PPP3CA: variants seen among roughly 807,000 people sequenced by gnomAD.
PPP3CA encodes CAM-PRP catalytic subunit.
Under a neutral mutation model 66.5 loss-of-function variants are expected in PPP3CA, and 14 were observed. The ratio of observed to expected loss-of-function variants is 0.21; its 90% CI spans 0.14 to 0.33. The LOEUF (loss-of-function observed/expected upper bound fraction) is 0.33. PPP3CA is among the 10% of genes least tolerant of loss of function. The pLI, the probability that PPP3CA is intolerant of heterozygous loss-of-function variation, is 1.00. For missense variants in PPP3CA, 317 were observed against 639.5 expected, an observed-to-expected ratio of 0.50 and a Z score of 5.44; for synonymous variants, 232 against 226.2, an observed-to-expected ratio of 1.03 and a Z score of -0.23.
chr4:101,262,441 C>T (rs1727039347), intron 1 of PPP3CA, among the ~76,000 whole-genome samples: 1 of 151,910 alleles, frequency 6.6e-6, no homozygotes, highest in South Asian at 2.1e-4. Flanking sequence ...TCTGGGTTTC[C>T]TTTTTATGTT....
chr4:101,261,988 C>T (rs1727023455), intron 1 of PPP3CA, among the ~76,000 whole-genome samples: 1 of 151,926 alleles, frequency 6.6e-6, no homozygotes, highest in African/African-American at 2.4e-5. Context: ...ATTCAGAGAG[C>T]TTATTAACCT....
chr4:101,186,391 G>C (rs1724409869), intron 2 of PPP3CA, among the ~76,000 whole-genome samples: 1 of 152,066 alleles, frequency 6.6e-6, no homozygotes, highest in African/African-American at 2.4e-5. Context: ...GTAGTTCCAT[G>C]AACTGTTAAA....
At chr4:101,294,006 T>C (rs1382258730) in intron 1 of PPP3CA, among the ~76,000 whole-genome samples, 4 of 152,104 alleles carry the variant, frequency 2.6e-5, no homozygotes, top group African/African-American at 9.7e-5. Flanking sequence ...TATTTTCACA[T>C]TTAAAAGGCA....
chr4:101,264,404 T>C (rs970538785), intron 1 of PPP3CA, among the ~76,000 whole-genome samples: 2 of 152,086 alleles, frequency 1.3e-5, no homozygotes, highest in Non-Finnish European at 2.9e-5. Context: ...AAATGACTTC[T>C]AAGGCATACG....
intron 1 of PPP3CA, among the ~76,000 whole-genome samples, chr4:101,334,951 C>CA: frequency 6.6e-6 from 1 of 152,266 alleles, no homozygotes; most frequent in East Asian, 1.9e-4. Context: ...AAAGACTTAT[C>CA]AGTAAGATCA....
intron 6 of PPP3CA, among the ~76,000 whole-genome samples, chr4:101,084,632 A>C (rs1729580786): frequency 1.3e-5 from 2 of 151,870 alleles, no homozygotes; most frequent in Admixed American, 1.3e-4. Context: ...GACAAGAGTG[A>C]AACTCCATCT....
chr4:101,095,280 A>C (rs1197802341), intron 5 of PPP3CA, among the ~76,000 whole-genome samples: 1 of 152,180 alleles, frequency 6.6e-6, no homozygotes, highest in East Asian at 1.9e-4. Context: ...AGGGTAGGAC[A>C]GTAGAGGAGG....
At chr4:101,036,703 C>A (rs1304000657) in intron 11 of PPP3CA, among the ~76,000 whole-genome samples, 1 of 152,168 alleles carries the variant, frequency 6.6e-6, no homozygotes, top group Non-Finnish European at 1.5e-5. Context: ...TGAGCCACCG[C>A]ACCCAGCCTT....
At chr4:101,063,159 T>C (rs1728545723) in intron 9 of PPP3CA, 73 bp downstream of exon 9, 9 of 1,522,704 alleles carry the variant, frequency 5.9e-6, no homozygotes, top group African/African-American at 2.8e-5. Flanking sequence ...TTCTTCTCTT[T>C]CTGAGTGTTT....
intron 11 of PPP3CA, 106 bp from the exon 12 acceptor site, chr4:101,032,470 T>TATC (rs1727016440): frequency 3.4e-6 from 3 of 879,026 alleles, no homozygotes; most frequent in Admixed American, 4.5e-5. Context: ...CATTTCCCTC[T>TATC]ATCTTGGCTC....
At chr4:101,294,507 T>C (rs1235385120) in intron 1 of PPP3CA, among the ~76,000 whole-genome samples, 3 of 150,776 alleles carry the variant, frequency 2.0e-5, no homozygotes, top group Admixed American at 6.6e-5. Flanking sequence ...GTAGATGCTA[T>C]AATTTCATGC....
intron 6 of PPP3CA, among the ~76,000 whole-genome samples, chr4:101,088,679 T>C (rs1168436072): frequency 6.7e-6 from 1 of 148,782 alleles, no homozygotes; most frequent in Non-Finnish European, 1.5e-5. Flanking sequence ...ACTGAATGAG[T>C]GAAAAAATTC....
At chr4:101,315,026 T>TC (rs1490468523) in intron 1 of PPP3CA, among the ~76,000 whole-genome samples, 6 of 152,056 alleles carry the variant, frequency 3.9e-5, no homozygotes, top group Admixed American at 3.9e-4. Context: ...ATATTTGTGC[T>TC]CCCCCCAAAA....
At chr4:101,243,947 C>T (rs981084766) in intron 1 of PPP3CA, among the ~76,000 whole-genome samples, 1 of 152,096 alleles carries the variant, frequency 6.6e-6, no homozygotes, top group Non-Finnish European at 1.5e-5. Flanking sequence ...TGAATTCAAA[C>T]GAAGCCAGAA....
rs369745312 is a variant in PPP3CA at position 101,151,652 on chromosome 4, CTT to C, written c.260-42576_260-42575del. ...CAAAATTTAGCTAAGCCAAGGTTTC[CTT>C]TTTTTTTTTTTTTTTTTTTTGAGAT... On this transcript the variant is annotated intron_variant, in intron 2 of 13. Transcript: ENST00000394854. 1.0e-3 allele frequency among the ~76,000 whole-genome samples: 85 copies of C among 84,826 alleles called. 1 individual carries two copies. In the Admixed American group the frequency reaches 0.01, roughly 10 times the overall value. 55.6% of individuals were successfully genotyped at this position (84,826 alleles called of 152,430 possible). A position where few individuals can be genotyped will look rare whatever the true frequency, so the allele number is the denominator to read the frequency against.
intron 2 of PPP3CA, among the ~76,000 whole-genome samples, chr4:101,177,841 A>C (rs1008670113): frequency 3.3e-5 from 5 of 151,810 alleles, no homozygotes; most frequent in Middle Eastern, 3.4e-3. Context: ...CAAAAAAAAA[A>C]CACAATTCCT....
chr4:101,160,568 TTAA>T (rs1182726293), intron 2 of PPP3CA, among the ~76,000 whole-genome samples: 1 of 152,096 alleles, frequency 6.6e-6, no homozygotes, highest in African/African-American at 2.4e-5. Flanking sequence ...TGCAAAATTA[TTAA>T]TAATCCTTTC....
chr4:101,281,889 A>G lies in PPP3CA; in HGVS notation c.58+64850T>C, dbSNP rs536324889. ...TTATTGAGGGTCTTTTTCCTGTACT[A>G]GTTGCCAAATGACAAACCTGGGGAG... On this transcript the variant is annotated intron_variant, in intron 1 of 13. Coordinates refer to ENST00000394854, the MANE Select transcript of PPP3CA (RefSeq NM_000944.5). Among the ~76,000 whole-genome samples, 3 of 152,316 alleles carry G rather than the reference A, an allele frequency of 2.0e-5. No individual in the cohort carries two copies. The East Asian group carries it at 5.8e-4, about 29-fold the overall frequency.
intron 12 of PPP3CA, 152 bp from the exon 13 acceptor site, chr4:101,029,347 T>TAAAAAAAAAAAAAA (rs34620032): frequency 1.6e-4 from 13 of 78,832 alleles, no homozygotes; most frequent in East Asian, 8.8e-4. Context: ...ACAGAAATGC[T>TAAAAAAAAAAAAAA]AAAAAAAAAA....
Sources: allele counts gnomAD v4.1 joint callset (sites outside exome capture counted in the v4.1 genomes callset), GRCh38; gene constraint gnomAD v4.1.1; transcripts MANE v1.5; gene names NCBI Gene and HGNC (gene_info 2026-07-23, HGNC 2026-07-21).